The following SNTG2 variants were observed in gnomAD, a reference collection of about 807,000 sequenced individuals.
SNTG2 encodes syntrophin gamma 2, also known as gamma-2-syntrophin.
In SNTG2, 74 loss-of-function variants were observed where a neutral mutation model predicts 70.9. The ratio of observed to expected loss-of-function variants is 1.04; its 90% CI spans 0.86 to 1.27. The LOEUF is 1.27. Ranked by LOEUF, SNTG2 falls within the 50% of genes most tolerant of loss-of-function variation. The pLI is 0.00. For synonymous variants in SNTG2, 278 were observed against 273.8 expected (o/e 1.02, Z -0.15); for missense variants, 717 against 690.7 (o/e 1.04, Z -0.43).
intron 6 of SNTG2, among the ~76,000 whole-genome samples, chr2:1,143,113 T>C (rs775919120): frequency 1.4e-4 from 21 of 152,166 alleles, no homozygotes; most frequent in Admixed American, 3.9e-4. Context: ...CAGTAGGATA[T>C]GAATGTGCAA....
At chr2:1,301,699 G>A (rs1291635692) in intron 14 of SNTG2, among the ~76,000 whole-genome samples, 2 of 152,138 alleles carry the variant, frequency 1.3e-5, no homozygotes, top group Non-Finnish European at 2.9e-5. Context: ...TGTTTTAAGT[G>A]CTGAAAGAAA....
Position 1,238,027 on chromosome 2 carries a change from C to T in SNTG2, c.849+10C>T, listed in dbSNP as rs780564779. The T allele has an allele frequency of 2.4e-5, 39 of 1,605,738 alleles. No individual in the cohort carries two copies. The African/African-American group carries it at 3.3e-4, about 14-fold the overall frequency. On this transcript the variant is annotated intron_variant, in intron 10 of 16. Transcript: ENST00000308624. The stretch of plus-strand genomic sequence containing the variant: ...GCTGACACTTCAGAACGTGAGCACA[C>T]GGTGTTTCTGAGTCTCTGCTGATGC...
At chr2:1,093,073 G>A (rs892959801) in intron 2 of SNTG2, among the ~76,000 whole-genome samples, 2 of 152,142 alleles carry the variant, frequency 1.3e-5, no homozygotes, top group African/African-American at 4.8e-5. Context: ...TTCCTTTGGT[G>A]AGTCCCTGGA....
chr2:967,599 A>G (rs546179475), intron 1 of SNTG2, among the ~76,000 whole-genome samples: 24 of 152,224 alleles, frequency 1.6e-4, no homozygotes, highest in South Asian at 4.1e-4. Context: ...ACTAGATTCA[A>G]TTTGCTGTAT....
chr2:1,115,393 A>G (rs1220835275), intron 4 of SNTG2, among the ~76,000 whole-genome samples: 1 of 149,248 alleles, frequency 6.7e-6, no homozygotes, highest in Non-Finnish European at 1.5e-5. Context: ...TGTGTGTACT[A>G]AGGTTTAACC....
intron 9 of SNTG2, among the ~76,000 whole-genome samples, chr2:1,209,739 C>T (rs1673911727): frequency 6.6e-6 from 1 of 152,204 alleles, no homozygotes. Context: ...GTTTCTGTAG[C>T]TTTTCGAGTA....
At chr2:1,268,868 C>G (rs922319882) in intron 14 of SNTG2, among the ~76,000 whole-genome samples, 1 of 152,124 alleles carries the variant, frequency 6.6e-6, no homozygotes, top group African/African-American at 2.4e-5. Context: ...ACATAAATAC[C>G]GGAGAAGTAG....
At chr2:1,204,559 A>G (rs1673504831) in intron 8 of SNTG2, among the ~76,000 whole-genome samples, 1 of 152,220 alleles carries the variant, frequency 6.6e-6, no homozygotes, top group South Asian at 2.1e-4. Context: ...TAAATTGTGC[A>G]CATTCTGAGT....
chr2:1,207,702 C>G (rs1558530854), intron 8 of SNTG2, among the ~76,000 whole-genome samples: 1 of 152,318 alleles, frequency 6.6e-6, no homozygotes, highest in East Asian at 1.9e-4. Context: ...GAAGCGAAGC[C>G]TCCAAGGTTC....
chr2:1,294,763 T>C (rs940142415), intron 14 of SNTG2, among the ~76,000 whole-genome samples: 3 of 152,166 alleles, frequency 2.0e-5, no homozygotes, highest in African/African-American at 7.2e-5. Context: ...ACAAAATATC[T>C]TAGCATCTTA....
chr2:1,128,105 A>G (rs1180645447), intron 4 of SNTG2, among the ~76,000 whole-genome samples: 1 of 152,114 alleles, frequency 6.6e-6, no homozygotes, highest in East Asian at 1.9e-4. Flanking sequence ...GTTTTGAAGT[A>G]CTTTTCTTCT....
chr2:991,661 A>G (rs1473725191), intron 1 of SNTG2, among the ~76,000 whole-genome samples: 1 of 152,120 alleles, frequency 6.6e-6, no homozygotes, highest in Non-Finnish European at 1.5e-5. Flanking sequence ...CGAAGACAAC[A>G]CTGTCCGCAG....
At position 1,239,787 on chromosome 2, in the gene SNTG2, T is replaced by C; in HGVS notation, c.888+11T>C. On this transcript the variant is annotated intron_variant, in intron 11 of 16. Coordinates refer to ENST00000308624, the MANE Select transcript of SNTG2 (RefSeq NM_018968.4). ...TCTCCTTCCGACCAGGTAGGGTTTG[T>C]ATTTTCTGCTTCATGATGTAACACA... 1.9e-6 allele frequency: 3 copies of C among 1,612,856 alleles called. No homozygotes were observed. Among genetic ancestry groups the C allele is most frequent in the Non-Finnish European group, 2.5e-6 (3 of 1,179,496 alleles).
chr2:1,167,516 G>A (rs1461482819), intron 7 of SNTG2, among the ~76,000 whole-genome samples: 1 of 141,116 alleles, frequency 7.1e-6, no homozygotes, highest in African/African-American at 2.7e-5. Context: ...CGGCAGAACT[G>A]AAACCTACAG....
intron 8 of SNTG2, among the ~76,000 whole-genome samples, chr2:1,191,248 C>G (rs1432389553): frequency 1.3e-5 from 2 of 152,186 alleles, no homozygotes; most frequent in Non-Finnish European, 2.9e-5. Flanking sequence ...AGGCATTCCT[C>G]TATCCAGCTG....
chr2:1,029,933 G>A lies in SNTG2; in HGVS notation c.73-53585G>A, dbSNP rs150916356. ...CATCATCTTACCTTTCACATCTTACGTTCCTGTATCATTTCCAGTGTTTTA... is the reference window on the plus strand; with the variant it reads ...CATCATCTTACCTTTCACATCTTACATTCCTGTATCATTTCCAGTGTTTTA... On this transcript the variant is annotated intron_variant, in intron 1 of 16. Transcript: ENST00000308624. Among the ~76,000 whole-genome samples, 113 of 152,188 alleles carry A rather than the reference G, an allele frequency of 7.4e-4. 1 individual carries two copies. Among genetic ancestry groups the A allele is most frequent in the African/African-American group, 2.5e-3 (105 of 41,512 alleles).
intron 8 of SNTG2, among the ~76,000 whole-genome samples, chr2:1,181,387 A>G (rs1671886479): frequency 6.6e-6 from 1 of 152,196 alleles, no homozygotes. Context: ...TCTAGACTCA[A>G]AGGATTTAAG....
At chr2:1,144,946 G>A (rs538895281) in intron 6 of SNTG2, among the ~76,000 whole-genome samples, 35 of 152,126 alleles carry the variant, frequency 2.3e-4, no homozygotes, top group Middle Eastern at 3.2e-3. Context: ...CAAAATGCTT[G>A]GAGAATAAAC....
intron 11 of SNTG2, among the ~76,000 whole-genome samples, chr2:1,244,562 G>A (rs920645940): frequency 3.3e-5 from 5 of 151,944 alleles, no homozygotes; most frequent in Non-Finnish European, 7.4e-5. Flanking sequence ...AGGGCGTGGT[G>A]GCGGGCGCCT....
Sources: allele counts gnomAD v4.1 joint callset (sites outside exome capture counted in the v4.1 genomes callset), GRCh38; gene constraint gnomAD v4.1.1; transcripts MANE v1.5; gene names NCBI Gene and HGNC (gene_info 2026-07-23, HGNC 2026-07-21).